CLDN10: variants seen among roughly 807,000 people sequenced by gnomAD.
The protein encoded by CLDN10 is claudin-10.
Under a neutral mutation model 22.9 loss-of-function variants are expected in CLDN10, and 15 were observed. The ratio of observed to expected loss-of-function variants is 0.65; its 90% CI spans 0.44 to 1.01. The LOEUF is 1.01. CLDN10 is among the 50% of genes least tolerant of loss of function. The pLI is 0.00. For missense variants in CLDN10, 247 were observed against 287.8 expected, an observed-to-expected ratio of 0.86 and a Z score of 1.03; for synonymous variants, 114 against 111.4, an observed-to-expected ratio of 1.02 and a Z score of -0.15.
intron 1 of CLDN10, among the ~76,000 whole-genome samples, chr13:95,455,084 G>A (rs1006545638): frequency 2.0e-5 from 3 of 152,074 alleles, no homozygotes; most frequent in African/African-American, 7.3e-5. Context: ...GACTGAGGTG[G>A]GAGGACTGCT....
intron 1 of CLDN10, among the ~76,000 whole-genome samples, chr13:95,458,458 C>T (rs1040292033): frequency 1.3e-5 from 2 of 152,096 alleles, no homozygotes; most frequent in Non-Finnish European, 2.9e-5. Context: ...GCTGGAAAGG[C>T]CTCAGGAAAC....
intron 1 of CLDN10, among the ~76,000 whole-genome samples, chr13:95,504,626 T>G (rs2043019418): frequency 6.6e-6 from 1 of 152,156 alleles, no homozygotes. Context: ...GTGATCTGCC[T>G]GCCTCAGCCT....
intron 1 of CLDN10, among the ~76,000 whole-genome samples, chr13:95,443,708 G>A (rs1392045776): frequency 2.0e-5 from 3 of 152,162 alleles, no homozygotes; most frequent in Non-Finnish European, 1.5e-5. Context: ...GGGTGATTAG[G>A]GCAGGGAAAT....
chr13:95,543,221 G>C (rs941227219), intron 1 of CLDN10, among the ~76,000 whole-genome samples: 2 of 148,874 alleles, frequency 1.3e-5, no homozygotes, highest in Non-Finnish European at 3.0e-5. Flanking sequence ...GACAGAGCGA[G>C]ACTCTGTCTC....
chr13:95,447,938 G>A (rs952202089), intron 1 of CLDN10, among the ~76,000 whole-genome samples: 16 of 152,226 alleles, frequency 1.1e-4, no homozygotes, highest in African/African-American at 2.9e-4. Flanking sequence ...CCCTGCGGGG[G>A]TGCAGCTATG....
intron 1 of CLDN10, among the ~76,000 whole-genome samples, chr13:95,506,383 A>G (rs569973205): frequency 1.3e-5 from 2 of 152,332 alleles, no homozygotes; most frequent in South Asian, 4.1e-4. Flanking sequence ...TCAGTGCAGG[A>G]AGAACAAATG....
At chr13:95,544,550 T>C (rs2043489498) in intron 1 of CLDN10, among the ~76,000 whole-genome samples, 2 of 152,222 alleles carry the variant, frequency 1.3e-5, no homozygotes, top group Admixed American at 1.3e-4. Flanking sequence ...TAGAAACAGC[T>C]ATTGCTTTGA....
At chr13:95,466,071 TTATA>T (rs1237325537) in intron 1 of CLDN10, among the ~76,000 whole-genome samples, 5 of 151,672 alleles carry the variant, frequency 3.3e-5, no homozygotes, top group Non-Finnish European at 7.4e-5. Context: ...TATTTTTATG[TTATA>T]TATATTTTAC....
chr13:95,560,777 A>G lies in CLDN10; in HGVS notation c.464+314A>G, dbSNP rs116133291. Reference sequence around the variant, plus strand: ...AGGAAACGTGAAAGGTGTCAGACGGAGAGGAAAGAATGATGCGGTGTGCGA... The same window carrying G: ...AGGAAACGTGAAAGGTGTCAGACGGGGAGGAAAGAATGATGCGGTGTGCGA... On this transcript the variant is annotated intron_variant, in intron 3 of 4. Transcript: ENST00000299339. 1,456 of 273,946 alleles carry G rather than the reference A, an allele frequency of 5.3e-3. 25 individuals carry two copies. The highest frequency in any genetic ancestry group is 0.03 in the African/African-American group (1,365 of 44,774). 17.0% of individuals were successfully genotyped at this position (273,946 alleles called of 1,614,324 possible).
chr13:95,566,975 T>A (rs2043795554), intron 3 of CLDN10, among the ~76,000 whole-genome samples: 1 of 152,202 alleles, frequency 6.6e-6, no homozygotes, highest in South Asian at 2.1e-4. Context: ...GTTCCATTGG[T>A]CTATATATCT....
At position 95,560,279 on chromosome 13, in the gene CLDN10, T is replaced by A; in HGVS notation, c.368T>A (p.Val123Glu). 6.2e-7 allele frequency: 1 copy of A among 1,614,164 alleles called. No homozygotes were observed. Among genetic ancestry groups the A allele is most frequent in the Non-Finnish European group, 8.5e-7 (1 of 1,179,988 alleles). The change falls in exon 2 of 5, where the codon GTA becomes GAA. Residue 123 changes from valine to glutamate, a missense_variant. Physicochemically the swap from Val to Glu is moderately radical, Grantham distance 121. Transcript: ENST00000299339. Reference sequence around the variant, plus strand: ...AAAATTGCTTGTTTGGCTGGGATTGTATTCATACTGTCAGGTAAATAGTAA... The same window carrying A: ...AAAATTGCTTGTTTGGCTGGGATTGAATTCATACTGTCAGGTAAATAGTAA... Reference protein sequence around the residue: ...KAKIACLAGIVFILSGLCSMT... With the variant: ...KAKIACLAGIEFILSGLCSMT...
chr13:95,571,403 T>C (rs1007982145), intron 3 of CLDN10, among the ~76,000 whole-genome samples: 7 of 152,138 alleles, frequency 4.6e-5, no homozygotes, highest in Non-Finnish European at 1.0e-4. Context: ...TAACTTAAAT[T>C]TTTCCATCCT....
chr13:95,573,717 TTGTGTGTGTGTG>T (rs34469647), intron 3 of CLDN10, among the ~76,000 whole-genome samples: 4 of 148,932 alleles, frequency 2.7e-5, no homozygotes, highest in Admixed American at 6.7e-5. Context: ...TTATTTTTAT[TTGTGTGTGTGTG>T]TGTGTGTGTG....
Position 95,560,198 on chromosome 13 carries a change from T to C in CLDN10, c.287T>C (p.Phe96Ser). The change falls in exon 2 of 5, where the codon TTT becomes TCT. Residue 96 changes from phenylalanine to serine, a missense_variant. Coordinates refer to ENST00000299339, the MANE Select transcript of CLDN10 (RefSeq NM_006984.5). ...AGCCTGGGCTTCTTTGGTTCCATAT[T>C]TGCGCTCTTTGGAATGAAGTGTACC... The part of the protein sequence containing the change: ...AVSLGFFGSI[F>S]ALFGMKCTKV... The C allele has an allele frequency of 6.2e-7, 1 of 1,614,218 alleles. No homozygotes were observed. The highest frequency in any genetic ancestry group is 8.5e-7 in the Non-Finnish European group (1 of 1,180,014).
chr13:95,469,410 T>C (rs766740995), intron 1 of CLDN10, among the ~76,000 whole-genome samples: 2 of 152,202 alleles, frequency 1.3e-5, no homozygotes, highest in Non-Finnish European at 2.9e-5. Flanking sequence ...TGATCAGTTA[T>C]TCAATGGGAT....
At chr13:95,476,110 G>A (rs546891969) in intron 1 of CLDN10, among the ~76,000 whole-genome samples, 1 of 152,294 alleles carries the variant, frequency 6.6e-6, no homozygotes, top group South Asian at 2.1e-4. Flanking sequence ...GCAAAGGCAT[G>A]ATAAACTCGA....
chr13:95,557,071 C>T (rs1400643476), intron 1 of CLDN10, among the ~76,000 whole-genome samples: 1 of 152,214 alleles, frequency 6.6e-6, no homozygotes, highest in African/African-American at 2.4e-5. Flanking sequence ...GTATGATTTT[C>T]AGCCAGCTTG....
chr13:95,533,548 G>A (rs2043368875), intron 1 of CLDN10: 2 of 152,108 alleles, frequency 1.3e-5, no homozygotes, highest in Admixed American at 1.3e-4. Flanking sequence ...AATCACGCTG[G>A]TATCTTGAGT....
chr13:95,572,163 G>T (rs948074506), intron 3 of CLDN10, among the ~76,000 whole-genome samples: 1 of 152,078 alleles, frequency 6.6e-6, no homozygotes, highest in Non-Finnish European at 1.5e-5. Flanking sequence ...CAGCCCGAGG[G>T]CATTCAGAAA....
Sources: gnomAD v4.1 joint callset for allele counts (sites outside exome capture counted in the v4.1 genomes callset) on GRCh38, gnomAD v4.1.1 for gene constraint, MANE v1.5 for transcripts, NCBI Gene and HGNC (gene_info 2026-07-23, HGNC 2026-07-21) for gene names.